RUVBL2: variants seen among roughly 807,000 people sequenced by gnomAD.
RUVBL2 encodes the protein ruvB-like 2.
A neutral mutation model predicts 57.9 loss-of-function variants in RUVBL2; 9 were observed. The ratio of observed to expected loss-of-function variants is 0.16; its 90% CI spans 0.09 to 0.27. RUVBL2 has a LOEUF of 0.27. Ranked by LOEUF, RUVBL2 falls within the 10% of genes least tolerant of loss-of-function variation. The pLI is 1.00. For missense variants in RUVBL2, 456 were observed against 669.6 expected, an observed-to-expected ratio of 0.68 and a Z score of 3.52; for synonymous variants, 278 against 264.6, an observed-to-expected ratio of 1.05 and a Z score of -0.49.
chr19:49,015,447 C>A, intron 13 of RUVBL2, 125 bp from the exon 14 acceptor site: 3 of 819,136 alleles, frequency 3.7e-6, no homozygotes, highest in Non-Finnish European at 4.1e-6. Context: ...GGCAATCTGG[C>A]CCAGAATGCC....
At chr19:48,993,633 G>A (rs2038990079), upstream of RUVBL2, 2 of 576,674 alleles carry the variant, frequency 3.5e-6, no homozygotes, top group Admixed American at 6.1e-5. Context: ...GAACAGCTAA[G>A]AATTTTGCAA....
In RUVBL2 at chr19:48,999,793, C is replaced by T. The variant is rs111532761; in HGVS notation, c.67+420C>T. The stretch of plus-strand genomic sequence containing the variant: ...GATCAAGAGATAACCATTGAATGCA[C>T]GAGTTTGCGTCCTGTGGAGCCCTCG... On this transcript the variant is annotated intron_variant, in intron 2 of 14. Transcript: ENST00000595090. Among the ~76,000 whole-genome samples, 448 of 152,256 alleles carry T rather than the reference C, an allele frequency of 2.9e-3. 4 individuals are homozygous for T. Among genetic ancestry groups the T allele is most frequent in the African/African-American group, 0.01 (426 of 41,542 alleles).
intron 11 of RUVBL2, among the ~76,000 whole-genome samples, chr19:49,012,900 A>G (rs1017945122): frequency 1.4e-5 from 2 of 141,448 alleles, no homozygotes; most frequent in East Asian, 2.0e-4. Context: ...CTGGGACTCA[A>G]TCAGTCCTCT....
chr19:49,005,640 A>ATT (rs150154178), intron 4 of RUVBL2, among the ~76,000 whole-genome samples: 8 of 120,512 alleles, frequency 6.6e-5, no homozygotes, highest in African/African-American at 8.5e-5. Context: ...ACTCTTCTTC[A>ATT]TTTTTTTTTT....
At chr19:49,010,209 C>T (rs957696073) in intron 8 of RUVBL2, 143 bp downstream of exon 8, 2 of 847,838 alleles carry the variant, frequency 2.4e-6, no homozygotes, top group Admixed American at 2.2e-5. Flanking sequence ...CCCTGTAACC[C>T]TAGGACAGCA....
At chr19:49,001,451 C>T (rs2039179881) in intron 2 of RUVBL2, 1 of 148,870 alleles carries the variant, frequency 6.7e-6, no homozygotes, top group Admixed American at 6.7e-5. Flanking sequence ...CATGAGCCAC[C>T]GCGCCTGGCC....
chr19:49,008,280 G>T (rs1188356121), intron 6 of RUVBL2, among the ~76,000 whole-genome samples: 3 of 146,496 alleles, frequency 2.0e-5, no homozygotes, highest in Non-Finnish European at 3.0e-5. Flanking sequence ...TTGCTCTGTT[G>T]CCCAGGCTGG....
In RUVBL2 at chr19:49,015,813, A is replaced by G; in HGVS notation, c.1367-4A>G. The G allele has an allele frequency of 6.2e-7, 1 of 1,614,040 alleles. No homozygotes were observed. The highest frequency in any genetic ancestry group is 1.1e-5 in the South Asian group (1 of 91,082). On this transcript the variant is annotated splice_region_variant and splice_polypyrimidine_tract_variant and intron_variant, in intron 14 of 14. Transcript: ENST00000595090. ...TGACCATGTGGCCTTCCTTCTCCCC[A>G]CAGAAGGCGAGACCATGGACACCTC...
chr19:49,015,425 G>A (rs534174144), intron 13 of RUVBL2, 147 bp from the exon 14 acceptor site: 143 of 749,932 alleles, frequency 1.9e-4, no homozygotes, highest in Middle Eastern at 7.4e-4. Flanking sequence ...GGCCAGGCAG[G>A]ATTTGAACCC....
chr19:49,000,721 C>G (rs1319083778), intron 2 of RUVBL2, among the ~76,000 whole-genome samples: 1 of 151,980 alleles, frequency 6.6e-6, no homozygotes, highest in African/African-American at 2.4e-5. Context: ...AAAAATTAGC[C>G]AGGCATGGTG....
At chr19:49,003,844 A>G (rs145136350) in intron 3 of RUVBL2, among the ~76,000 whole-genome samples, 2 of 151,762 alleles carry the variant, frequency 1.3e-5, no homozygotes, top group South Asian at 2.1e-4. Flanking sequence ...ACTGGGTGCA[A>G]TGGCTCACAC....
At chr19:48,994,808 C>T (rs2039021576) in intron 1 of RUVBL2, 1 of 152,212 alleles carries the variant, frequency 6.6e-6, no homozygotes, top group African/African-American at 2.4e-5. Flanking sequence ...GTAATCCCAG[C>T]TACTCAGAAG....
At chr19:49,006,317 C>T (rs994440312) in intron 4 of RUVBL2, among the ~76,000 whole-genome samples, 26 of 152,356 alleles carry the variant, frequency 1.7e-4, no homozygotes, top group African/African-American at 6.3e-4. Flanking sequence ...AAAGGTCTGG[C>T]GTTCAGAGCT....
At chr19:49,003,140 G>T in intron 2 of RUVBL2, 139 bp from the exon 3 acceptor site, 2 of 755,464 alleles carry the variant, frequency 2.6e-6, no homozygotes, top group Admixed American at 2.0e-5. Context: ...CTTTCCATGT[G>T]CCCCTTCATT....
At chr19:49,008,033 T>TA (rs1397717549) in intron 6 of RUVBL2, among the ~76,000 whole-genome samples, 3 of 146,792 alleles carry the variant, frequency 2.0e-5, no homozygotes, top group South Asian at 2.2e-4. Context: ...TTTTTTTTTT[T>TA]ACAATTTCTG....
intron 8 of RUVBL2, chr19:49,010,283 T>C (rs8108852): frequency 0.16 from 110,794 of 676,954 alleles, 11,070 homozygotes; most frequent in Middle Eastern, 0.21. Flanking sequence ...TCTAAGGTCC[T>C]CCGGGAGCCC....
intron 4 of RUVBL2, among the ~76,000 whole-genome samples, chr19:49,005,678 C>T (rs2039269504): frequency 6.6e-6 from 1 of 151,102 alleles, no homozygotes; most frequent in South Asian, 2.1e-4. Context: ...CTCTGTCGCT[C>T]AGGCTGGAGT....
intron 9 of RUVBL2, 61 bp downstream of exon 9, chr19:49,010,672 G>A (rs1485340253): frequency 8.1e-6 from 13 of 1,600,268 alleles, no homozygotes; most frequent in Non-Finnish European, 1.1e-5. Context: ...CCTCCCTCGG[G>A]CTCCCTCTGT....
At chr19:49,015,347 T>C in intron 13 of RUVBL2, 197 bp downstream of exon 13, 4 of 741,882 alleles carry the variant, frequency 5.4e-6, no homozygotes, top group South Asian at 5.4e-5. Context: ...CTTAAGTAGA[T>C]GCTGTTAGGT....
Sources: allele counts gnomAD v4.1 joint callset (sites outside exome capture counted in the v4.1 genomes callset), GRCh38; gene constraint gnomAD v4.1.1; transcripts MANE v1.5; gene names NCBI Gene and HGNC (gene_info 2026-07-23, HGNC 2026-07-21).